The following SSR1 variants were observed in gnomAD, a reference collection of about 807,000 sequenced individuals.
SSR1 encodes the protein signal sequence receptor subunit 1, also known as translocon-associated protein subunit alpha.
SSR1 carries 13 observed loss-of-function variants against 36.1 expected under a neutral mutation model. The observed-to-expected ratio is 0.36, with a 90% confidence interval of 0.23 to 0.57. The LOEUF is 0.57. Among genes scored for constraint, SSR1 ranks in the 20% least tolerant of loss-of-function variants. The probability of loss-of-function intolerance (pLI) is 0.81; values close to 1 mark genes in which losing one functional copy is unlikely to be tolerated. For missense variants in SSR1, 291 were observed against 338.5 expected (o/e 0.86, Z 1.10); for synonymous variants, 113 against 118.9 (o/e 0.95, Z 0.32).
At chr6:7,292,583 G>A (rs796267216) in intron 7 of SSR1, among the ~76,000 whole-genome samples, 26 of 152,008 alleles carry the variant, frequency 1.7e-4, no homozygotes, top group African/African-American at 6.3e-4. Flanking sequence ...TGGGAGACTT[G>A]CTATGTGGCC....
intron 7 of SSR1, among the ~76,000 whole-genome samples, chr6:7,290,479 A>G (rs1209768795): frequency 1.3e-5 from 2 of 152,212 alleles, no homozygotes; most frequent in Admixed American, 1.3e-4. Context: ...TTCTACTTCC[A>G]TTTGGTAAGA....
At chr6:7,305,996 A>T (rs902073231) in intron 2 of SSR1, among the ~76,000 whole-genome samples, 106 of 152,246 alleles carry the variant, frequency 7.0e-4, no homozygotes, top group African/African-American at 2.4e-3. Context: ...TCCAGAGGAG[A>T]GTATAGAAAC....
At chr6:7,309,828 A>G (rs1426787365) in intron 2 of SSR1, 89 bp downstream of exon 2, 1 of 1,085,014 alleles carries the variant, frequency 9.2e-7, no homozygotes, top group African/African-American at 1.6e-5. Context: ...TAAATTACCC[A>G]GTCTTGGGTA....
At position 7,285,501 on chromosome 6, in the gene SSR1, C is replaced by G. The variant is rs1363120055; in HGVS notation, c.*4363G>C. On this transcript the variant is annotated 3_prime_UTR_variant, in exon 8 of 8. Coordinates refer to ENST00000244763, the MANE Select transcript of SSR1 (RefSeq NM_003144.5). The surrounding 1 kb of genome is among the most constrained non-coding windows in gnomAD (Gnocchi z 4.1). Reference sequence around the variant, plus strand: ...GACCAGCCTGGCAACATGGTGAAACCCCGTCTCTACCAAAAACAAAACAAA... The same window carrying G: ...GACCAGCCTGGCAACATGGTGAAACGCCGTCTCTACCAAAAACAAAACAAA... 1 of 152,066 alleles carries G rather than the reference C, an allele frequency of 6.6e-6. No homozygotes were observed. The highest frequency in any genetic ancestry group is 1.5e-5 in the Non-Finnish European group (1 of 68,080). The allele number at this position is 152,066 out of a possible 1,614,324, so 9.4% of individuals were successfully genotyped here.
chr6:7,312,873 C>A (rs1436134807), intron 1 of SSR1, among the ~76,000 whole-genome samples, 169 bp downstream of exon 1: 1 of 152,218 alleles, frequency 6.6e-6, no homozygotes, highest in Non-Finnish European at 1.5e-5. Flanking sequence ...CTCCAGCGCC[C>A]GCGGGGACCC....
At chr6:7,307,636 G>A (rs1758100179) in intron 2 of SSR1, among the ~76,000 whole-genome samples, 1 of 152,098 alleles carries the variant, frequency 6.6e-6, no homozygotes, top group Non-Finnish European at 1.5e-5. Context: ...TGAACTTCTG[G>A]GCTCAAGTGA....
chr6:7,290,525 C>A (rs1757658983), intron 7 of SSR1, among the ~76,000 whole-genome samples: 1 of 152,140 alleles, frequency 6.6e-6, no homozygotes. Context: ...CAGTGAAAGG[C>A]TGGATGTATG....
At position 7,313,124 on chromosome 6, in the gene SSR1, G is replaced by A. The variant is rs1163995048; in HGVS notation, c.-4C>T. 7 of 1,602,138 alleles carry A rather than the reference G, an allele frequency of 4.4e-6. No homozygotes were observed. Among genetic ancestry groups the A allele is most frequent in the Non-Finnish European group, 6.0e-6 (7 of 1,174,206 alleles). The stretch of plus-strand genomic sequence containing the variant: ...GCAAGCGGGGGAGGAGTCTCATGGC[G>A]CTGCCGGTCCAGTGTCCAGTTTCCG... On this transcript the variant is annotated 5_prime_UTR_variant, in exon 1 of 8. Coordinates refer to ENST00000244763, the MANE Select transcript of SSR1 (RefSeq NM_003144.5).
intron 2 of SSR1, among the ~76,000 whole-genome samples, chr6:7,309,289 C>T (rs998834054): frequency 2.0e-5 from 3 of 152,092 alleles, no homozygotes; most frequent in African/African-American, 7.2e-5. Flanking sequence ...AAGACCCTGT[C>T]TCTACAAAAA....
Position 7,297,985 on chromosome 6 carries a change from A to G in SSR1, c.637T>C (p.Phe213Leu). ...LDGETIFMYM[F>L]LAGLGLLVIV... ...ACCAGAAGCCCAAGACCAGCAAGGA[A>G]CATATACATAAAGATTCTGGTACAA... Residue 213 changes from phenylalanine to leucine, a missense_variant, in exon 6 of 8, where the codon TTC becomes CTC. Coordinates refer to ENST00000244763, the MANE Select transcript of SSR1 (RefSeq NM_003144.5). 6.2e-7 allele frequency: 1 copy of G among 1,613,336 alleles called. No homozygotes were observed. The highest frequency in any genetic ancestry group is 1.3e-5 in the African/African-American group (1 of 75,056).
intron 2 of SSR1, among the ~76,000 whole-genome samples, chr6:7,305,633 C>T (rs753034562): frequency 7.9e-5 from 12 of 152,062 alleles, no homozygotes; most frequent in Non-Finnish European, 1.6e-4. Flanking sequence ...AACAAAATTC[C>T]GCAGGAAGAG....
At chr6:7,308,748 C>CA (rs139015517) in intron 2 of SSR1, among the ~76,000 whole-genome samples, 18,371 of 135,300 alleles carry the variant, frequency 0.14, 1,368 homozygotes, top group South Asian at 0.2. Context: ...ATAACTGCCC[C>CA]AAAAAAAAGT....
At position 7,281,600 on chromosome 6, in the gene SSR1, T is replaced by C. The variant is rs1757419011; in HGVS notation, c.*8264A>G. On this transcript the variant is annotated 3_prime_UTR_variant, in exon 8 of 8. Coordinates refer to ENST00000244763, the MANE Select transcript of SSR1 (RefSeq NM_003144.5). ...AATTTCTTCAATGTTCTCTGAGTTG[T>C]TAGATTTCAAAGTGAAGAGAACTGA... 1 of 152,250 alleles carries C rather than the reference T, an allele frequency of 6.6e-6. No individual in the cohort carries two copies. The highest frequency in any genetic ancestry group is 2.4e-5 in the African/African-American group (1 of 41,474). The allele number at this position is 152,250 out of a possible 1,614,324, so 9.4% of individuals were successfully genotyped here. A position where few individuals can be genotyped will look rare whatever the true frequency, so the allele number is the denominator to read the frequency against.
rs532808538 is a variant in SSR1, at chr6:7,301,254, G to A, written c.543+56C>T. ...GAACAGATATATTCTATTAAACAAC[G>A]TCACCGCCCCCATCCATCTCTAACT... On this transcript the variant is annotated intron_variant, in intron 4 of 7. Transcript: ENST00000244763. 2.2e-4 allele frequency: 342 copies of A among 1,573,226 alleles called. 13 individuals are homozygous for A. The South Asian group carries it at 3.5e-3, about 16-fold the overall frequency.
rs1168762481 is a variant in SSR1 at position 7,312,917 on chromosome 6, G to A, written c.79+125C>T. 4.2e-6 allele frequency: 4 copies of A among 954,212 alleles called. No homozygotes were observed. The African/African-American group carries it at 4.9e-5, about 12-fold the overall frequency. 59.1% of individuals were successfully genotyped at this position (954,212 alleles called of 1,614,324 possible). A position where few individuals can be genotyped will look rare whatever the true frequency, so the allele number is the denominator to read the frequency against. ...ACGAGCCTAGGCTTGGGGAGAGGGC[G>A]GAGAGAGGCCAGCGGGGTGGACGCG... On this transcript the variant is annotated intron_variant, in intron 1 of 7. Coordinates refer to ENST00000244763, the MANE Select transcript of SSR1 (RefSeq NM_003144.5).
Position 7,309,900 on chromosome 6 carries a change from T to C in SSR1, c.192+17A>G. On this transcript the variant is annotated intron_variant, in intron 2 of 7. Coordinates refer to ENST00000244763, the MANE Select transcript of SSR1 (RefSeq NM_003144.5). ...TTACATACATTTTACATATATTAAATAGTATGTAACACTAACCAAATCTGT... is the reference window on the plus strand; with the variant it reads ...TTACATACATTTTACATATATTAAACAGTATGTAACACTAACCAAATCTGT... The C allele has an allele frequency of 8.0e-6, 12 of 1,508,462 alleles. No homozygotes were observed. The highest frequency in any genetic ancestry group is 1.0e-5 in the Non-Finnish European group (11 of 1,084,258). 93.4% of individuals were successfully genotyped at this position (1,508,462 alleles called of 1,614,324 possible). A position where few individuals can be genotyped will look rare whatever the true frequency, so the allele number is the denominator to read the frequency against.
chr6:7,293,632 T>C (rs948116625), intron 7 of SSR1, among the ~76,000 whole-genome samples: 7 of 152,154 alleles, frequency 4.6e-5, no homozygotes, highest in Non-Finnish European at 7.3e-5. Context: ...AAGGCTAGTC[T>C]CAAACTCCTG....
intron 1 of SSR1, among the ~76,000 whole-genome samples, chr6:7,311,366 T>TA (rs980789983): frequency 3.3e-5 from 5 of 152,220 alleles, no homozygotes; most frequent in Admixed American, 2.6e-4. Context: ...ATTCTGTGGA[T>TA]AAAAAACATG....
chr6:7,308,749 A>C (rs2764093), intron 2 of SSR1, among the ~76,000 whole-genome samples: 26,738 of 107,856 alleles, frequency 0.25, 2,501 homozygotes, highest in African/African-American at 0.31. Context: ...TAACTGCCCC[A>C]AAAAAAAGTC....
Sources: gnomAD v4.1 joint callset for allele counts (sites outside exome capture counted in the v4.1 genomes callset) on GRCh38, gnomAD v4.1.1 for gene constraint, Gnocchi (gnomAD v3.1) non-coding constraint, MANE v1.5 for transcripts, NCBI Gene and HGNC (gene_info 2026-07-23, HGNC 2026-07-21) for gene names.